Variants in BMP7 observed in about 807,000 individuals in gnomAD.
The protein encoded by BMP7 is osteogenic protein 1.
In BMP7, 12 loss-of-function variants were observed where a neutral mutation model predicts 41.2. That is an observed-to-expected ratio of 0.29 (90% CI 0.19 to 0.47). BMP7 has a LOEUF of 0.47. BMP7 is among the 20% of genes least tolerant of loss of function. BMP7 has a pLI of 0.99. For synonymous variants in BMP7, 248 were observed against 250.0 expected (o/e 0.99, Z 0.07); for missense variants, 467 against 606.0 (o/e 0.77, Z 2.41).
At chr20:57,202,420 C>T in intron 3 of BMP7, 55 bp downstream of exon 3, 1 of 1,589,210 alleles carries the variant, frequency 6.3e-7, no homozygotes, top group Non-Finnish European at 8.5e-7. Flanking sequence ...CTGAGACCCT[C>T]CTGAAGTCCA....
chr20:57,266,212 C>T lies in BMP7; in HGVS notation c.-90G>A. 1.5e-6 allele frequency: 2 copies of T among 1,309,376 alleles called. No individual in the cohort carries two copies. Among genetic ancestry groups the T allele is most frequent in the Non-Finnish European group, 2.0e-6 (2 of 1,016,656 alleles). The allele number at this position is 1,309,376 out of a possible 1,614,324, so 81.1% of individuals were successfully genotyped here. A position where few individuals can be genotyped will look rare whatever the true frequency, so the allele number is the denominator to read the frequency against. On this transcript the variant is annotated 5_prime_UTR_variant, in exon 1 of 7. Coordinates refer to ENST00000395863, the MANE Select transcript of BMP7 (RefSeq NM_001719.3). ...GGGGCAGGCGGCCGTCCGCGCCGCT[C>T]GGTCACTTGCTGCAGACGGGCCCCG... is the stretch of plus-strand genomic sequence containing the variant.
intron 1 of BMP7, among the ~76,000 whole-genome samples, chr20:57,233,081 T>C (rs1269697244): frequency 6.6e-6 from 1 of 152,088 alleles, no homozygotes; most frequent in Non-Finnish European, 1.5e-5. Flanking sequence ...CAGGTGAAAA[T>C]ATGTCTTTAT....
rs1984956259 is a variant in BMP7, at chr20:57,214,083, A to G, written c.612-11460T>C. 6.6e-6 allele frequency among the ~76,000 whole-genome samples: 1 copy of G among 152,188 alleles called. No individual in the cohort carries two copies. The highest frequency in any genetic ancestry group is 2.4e-5 in the African/African-American group (1 of 41,442). On this transcript the variant is annotated intron_variant, in intron 2 of 6. Transcript: ENST00000395863. The surrounding 1 kb of genome is among the most constrained non-coding windows in gnomAD (Gnocchi z 4.0). Reference sequence around the variant, plus strand: ...GGAACCATCTTAGAACAAGGTGCGGAGCGAGCCCTCTGAACCGTATGGTAC... The same window carrying G: ...GGAACCATCTTAGAACAAGGTGCGGGGCGAGCCCTCTGAACCGTATGGTAC...
chr20:57,253,694 C>T (rs906578476), intron 1 of BMP7, among the ~76,000 whole-genome samples: 2 of 151,984 alleles, frequency 1.3e-5, no homozygotes, highest in Non-Finnish European at 1.5e-5. Context: ...ATCCATGCAC[C>T]CATAACAGAG....
At position 57,183,883 on chromosome 20, in the gene BMP7, C is replaced by G; in HGVS notation, c.797G>C (p.Gly266Ala). 5.0e-6 allele frequency: 8 copies of G among 1,614,112 alleles called. No homozygotes were observed. Among genetic ancestry groups the G allele is most frequent in the Non-Finnish European group, 6.8e-6 (8 of 1,180,054 alleles). The change falls in exon 4 of 7, where the codon GGG becomes GCG. Residue 266 changes from glycine (G) to alanine (A), a missense_variant. By Grantham distance (60) the Gly-to-Ala change is moderately conservative. Coordinates refer to ENST00000395863, the MANE Select transcript of BMP7 (RefSeq NM_001719.3). ...CTGCTTGTTCTGGGGCCCGTGCCGC[C>G]CAATCAGGCCCGCCAACTTGGGGTT... is the stretch of plus-strand genomic sequence containing the variant. ...SINPKLAGLIGRHGPQNKQPF... is the reference protein window; with the variant it reads ...SINPKLAGLIARHGPQNKQPF...
In BMP7 at chr20:57,249,812, A is replaced by G. The variant is rs138277315; in HGVS notation, c.418+15893T>C. Among the ~76,000 whole-genome samples, 447 of 152,270 alleles carry G rather than the reference A, an allele frequency of 2.9e-3. 3 individuals carry two copies. The highest frequency in any genetic ancestry group is 0.01 in the African/African-American group (420 of 41,550). ...GGCTCTGCAGCGAGACTGGACCCCCAAGGCAGCCAGGAGCAGCCCTGTTTA... is the reference window on the plus strand; with the variant it reads ...GGCTCTGCAGCGAGACTGGACCCCCGAGGCAGCCAGGAGCAGCCCTGTTTA... On this transcript the variant is annotated intron_variant, in intron 1 of 6. Transcript: ENST00000395863.
intron 1 of BMP7, among the ~76,000 whole-genome samples, chr20:57,256,367 G>T (rs2066134301): frequency 6.6e-6 from 1 of 152,188 alleles, no homozygotes; most frequent in Non-Finnish European, 1.5e-5. Flanking sequence ...AATCTTGTGA[G>T]AGACACTTCA....
intron 1 of BMP7, among the ~76,000 whole-genome samples, chr20:57,252,984 C>G (rs974664997): frequency 6.6e-6 from 1 of 152,174 alleles, no homozygotes; most frequent in African/African-American, 2.4e-5. Flanking sequence ...AGAGAACGAT[C>G]TGGTTAAACA....
chr20:57,183,803 A>T lies in BMP7; in HGVS notation c.877T>A (p.Ser293Thr). Reference protein sequence around the residue: ...ATEVHFRSIRSTGSKQRSQNR... With the variant: ...ATEVHFRSIRTTGSKQRSQNR... ...TGGCTGCGCTGTTTGCTCCCCGTGGACCGGATGCTGCGGAAGTGGACCTCC... is the reference window on the plus strand; with the variant it reads ...TGGCTGCGCTGTTTGCTCCCCGTGGTCCGGATGCTGCGGAAGTGGACCTCC... The change falls in exon 4 of 7, where the codon TCC becomes ACC. Residue 293 changes from serine to threonine, a missense_variant. Physicochemically the swap from Ser to Thr is moderately conservative, Grantham distance 58. This residue lies in a region of BMP7 where 407 missense variants were observed against 485.9 expected (regional missense o/e 0.84). Coordinates refer to ENST00000395863, the MANE Select transcript of BMP7 (RefSeq NM_001719.3). The T allele has an allele frequency of 6.2e-7, 1 of 1,614,094 alleles. No individual in the cohort carries two copies. Among genetic ancestry groups the T allele is most frequent in the Non-Finnish European group, 8.5e-7 (1 of 1,180,038 alleles).
intron 3 of BMP7, among the ~76,000 whole-genome samples, chr20:57,192,127 ATATAT>A (rs1216133432): frequency 3.2e-4 from 40 of 125,082 alleles, no homozygotes; most frequent in African/African-American, 8.3e-4. Context: ...ATATTATACT[ATATAT>A]TATATTATAT....
At chr20:57,265,598 G>T in intron 1 of BMP7, 107 bp downstream of exon 1, 1 of 1,497,574 alleles carries the variant, frequency 6.7e-7, no homozygotes, top group Non-Finnish European at 9.1e-7. Context: ...TGCGATTTCA[G>T]CCAGGAGCGG....
chr20:57,243,925 G>C (rs1033882843), intron 1 of BMP7: 3 of 152,236 alleles, frequency 2.0e-5, no homozygotes, highest in African/African-American at 7.2e-5. Context: ...CTGAGCAAAG[G>C]AGCAGGACTC....
chr20:57,183,747 T>C lies in BMP7; in HGVS notation c.933A>G (p.Glu311=). 6.2e-7 allele frequency: 1 copy of C among 1,614,160 alleles called. No individual in the cohort carries two copies. The highest frequency in any genetic ancestry group is 8.5e-7 in the Non-Finnish European group (1 of 1,180,042). The part of the protein sequence containing the change: ...QNRSKTPKNQ[E]ALRMANVAEN... Reference sequence around the variant, plus strand: ...CTGCCACGTTGGCCATCCGCAGGGCTTCCTGGTTCTTGGGCGTCTTGGAGC... The same window carrying C: ...CTGCCACGTTGGCCATCCGCAGGGCCTCCTGGTTCTTGGGCGTCTTGGAGC... Residue 311 remains glutamate, a synonymous_variant, in exon 4 of 7, where the codon GAA becomes GAG. Transcript: ENST00000395863.
chr20:57,219,279 G>GT (rs1397124152), intron 2 of BMP7, among the ~76,000 whole-genome samples: 5 of 125,958 alleles, frequency 4.0e-5, no homozygotes, highest in African/African-American at 2.3e-4. Flanking sequence ...GGTGGTGTTT[G>GT]GTGGTAGGTA....
At chr20:57,255,160 G>A (rs972702155) in intron 1 of BMP7, among the ~76,000 whole-genome samples, 19 of 152,040 alleles carry the variant, frequency 1.2e-4, no homozygotes, top group South Asian at 2.1e-4. Flanking sequence ...CACGCTCCCC[G>A]CTACCTATTC....
At chr20:57,198,083 C>G (rs417101) in intron 3 of BMP7, among the ~76,000 whole-genome samples, 64,466 of 146,574 alleles carry the variant, frequency 0.44, 15,170 homozygotes, top group South Asian at 0.56. Context: ...TCTCCTCTCG[C>G]TCTCCTCTCC....
intron 1 of BMP7, among the ~76,000 whole-genome samples, chr20:57,241,387 G>C (rs1465754721): frequency 6.6e-6 from 1 of 152,212 alleles, no homozygotes; most frequent in Non-Finnish European, 1.5e-5. Flanking sequence ...GCCAGTCCTT[G>C]AGGGAGGGAG....
At chr20:57,265,377 C>T (rs897563280) in intron 1 of BMP7, among the ~76,000 whole-genome samples, 7 of 152,260 alleles carry the variant, frequency 4.6e-5, no homozygotes, top group Non-Finnish European at 8.8e-5. Context: ...CGCGCCGGCC[C>T]GGGACAGCTC....
intron 3 of BMP7, among the ~76,000 whole-genome samples, chr20:57,184,412 A>G (rs1984163875): frequency 6.6e-6 from 1 of 152,122 alleles, no homozygotes. Flanking sequence ...GATGTTTGGG[A>G]AGAGTGCATT....
Sources: gnomAD v4.1 joint callset for allele counts (sites outside exome capture counted in the v4.1 genomes callset) on GRCh38, gnomAD v4.1.1 for gene constraint, gnomAD v4.1.1 regional missense constraint, Gnocchi (gnomAD v3.1) non-coding constraint, MANE v1.5 for transcripts, NCBI Gene and HGNC (gene_info 2026-07-23, HGNC 2026-07-21) for gene names.